The following GOLGB1 variants were observed in gnomAD, a reference collection of about 807,000 sequenced individuals.
GOLGB1 encodes golgin subfamily B member 1.
A neutral mutation model predicts 336.9 loss-of-function variants in GOLGB1; 174 were observed. The ratio of observed to expected loss-of-function variants is 0.52; its 90% CI spans 0.46 to 0.59. The LOEUF is 0.59. Among genes scored for constraint, GOLGB1 ranks in the 20% least tolerant of loss-of-function variants. GOLGB1 has a pLI of 0.00. For missense variants in GOLGB1, 3,331 were observed against 3,645.3 expected (o/e 0.91, Z 2.22); for synonymous variants, 1,208 against 1,289.2 (o/e 0.94, Z 1.35).
chr3:121,747,349 G>C (rs978455909), intron 1 of GOLGB1, among the ~76,000 whole-genome samples: 1 of 141,678 alleles, frequency 7.1e-6, no homozygotes, highest in African/African-American at 2.6e-5. Flanking sequence ...GTATATATAT[G>C]TGTATATACG....
chr3:121,704,675 C>G (rs1943666241), intron 10 of GOLGB1, among the ~76,000 whole-genome samples: 1 of 149,772 alleles, frequency 6.7e-6, no homozygotes, highest in South Asian at 2.1e-4. Context: ...ACTCAGGAGG[C>G]TGAGGCAGGA....
In GOLGB1 at chr3:121,697,733, C is replaced by T. The variant is rs527768034; in HGVS notation, c.2790G>A (p.Gly930=). The T allele has an allele frequency of 2.5e-6, 4 of 1,613,922 alleles. No homozygotes were observed. The highest frequency in any genetic ancestry group is 1.1e-5 in the South Asian group (1 of 91,066). Residue 930 remains glycine (G), a synonymous_variant, in exon 13 of 22, where the codon GGG becomes GGA. Coordinates refer to ENST00000614479, the MANE Select transcript of GOLGB1 (RefSeq NM_001366282.2). The stretch of plus-strand genomic sequence containing the variant: ...GTTCTTTAAGAGTCTTAATTTCAAC[C>T]CCAAGAGAAAACTTCTCTTCATTAA... The part of the protein sequence containing the change: ...VQLNEEKFSL[G]VEIKTLKEQL...
Position 121,722,370 on chromosome 3 carries a change from T to C in GOLGB1, c.540A>G (p.Thr180=), listed in dbSNP as rs1336611298. 4 of 1,560,714 alleles carry C rather than the reference T, an allele frequency of 2.6e-6. No homozygotes were observed. Among genetic ancestry groups the C allele is most frequent in the African/African-American group, 1.4e-5 (1 of 73,942 alleles). Residue 180 remains threonine, a synonymous_variant, in exon 6 of 22, where the codon ACA becomes ACG. Transcript: ENST00000614479. ...TCATCATTACAAATTCTTCCATCTC[T>C]GTAGAACTCTTATCAAACCGAAGAC... The part of the protein sequence containing the change: ...AQAEQPAQSS[T]EMEEFVMMKQ...
chr3:121,671,857 C>CAT (rs1553851210), intron 17 of GOLGB1, among the ~76,000 whole-genome samples: 1 of 147,048 alleles, frequency 6.8e-6, no homozygotes, highest in South Asian at 2.1e-4. Flanking sequence ...ATGAGATTCA[C>CAT]TTTTTTTTTT....
chr3:121,673,073 GTTTT>G (rs368721459), intron 17 of GOLGB1, among the ~76,000 whole-genome samples: 6 of 140,962 alleles, frequency 4.3e-5, no homozygotes, highest in Non-Finnish European at 7.8e-5. Flanking sequence ...TTGTTTTTTG[GTTTT>G]TTTTTTTTTT....
At position 121,696,531 on chromosome 3, in the gene GOLGB1, C is replaced by T; in HGVS notation, c.3992G>A (p.Ser1331Asn). 6.2e-7 allele frequency: 1 copy of T among 1,614,150 alleles called. No individual in the cohort carries two copies. The change falls in exon 13 of 22, where the codon AGT becomes AAT. Residue 1331 changes from serine to asparagine, a missense_variant. Coordinates refer to ENST00000614479, the MANE Select transcript of GOLGB1 (RefSeq NM_001366282.2). ...AEKVELELKV[S>N]STTSELTKKS... The stretch of plus-strand genomic sequence containing the variant: ...TTTAGTAAGCTCACTTGTTGTAGAA[C>T]TAACTTTCAATTCTAACTCTACTTT...
At chr3:121,669,676 A>G (rs962323709) in intron 17 of GOLGB1, among the ~76,000 whole-genome samples, 2 of 152,202 alleles carry the variant, frequency 1.3e-5, no homozygotes, top group Non-Finnish European at 2.9e-5. Flanking sequence ...TTCTGGGTAC[A>G]TAAGAGGGAG....
chr3:121,664,279 A>G lies in GOLGB1; in HGVS notation c.*201T>C. On this transcript the variant is annotated 3_prime_UTR_variant, in exon 22 of 22. Coordinates refer to ENST00000614479, the MANE Select transcript of GOLGB1 (RefSeq NM_001366282.2). ...AAGCAGAAGCGTTCAGGCTCAGGGC[A>G]GTAGAAGAAAGCAGACTCGCCAGTC... is the stretch of plus-strand genomic sequence containing the variant. The G allele has an allele frequency of 1.7e-6, 1 of 597,566 alleles. No individual in the cohort carries two copies. Among genetic ancestry groups the G allele is most frequent in the Non-Finnish European group, 3.0e-6 (1 of 330,866 alleles). The allele number at this position is 597,566 out of a possible 1,614,324, so 37.0% of individuals were successfully genotyped here. A position where few individuals can be genotyped will look rare whatever the true frequency, so the allele number is the denominator to read the frequency against.
At position 121,694,531 on chromosome 3, in the gene GOLGB1, TCTCCAAATATTC is replaced by T; in HGVS notation, c.5980_5991del (p.Glu1994_Glu1997del). 6.2e-7 allele frequency: 1 copy of T among 1,612,672 alleles called. No homozygotes were observed. Among genetic ancestry groups the T allele is most frequent in the Non-Finnish European group, 8.5e-7 (1 of 1,179,880 alleles). On this transcript the variant is annotated inframe_deletion, in exon 13 of 22. Coordinates refer to ENST00000614479, the MANE Select transcript of GOLGB1 (RefSeq NM_001366282.2). ...GGTTCTTTCTGAGCACCTTGTATTT[TCTCCAAATATTC>T]CTTTCGTATTTCTGATTCCACCTTA...
intron 5 of GOLGB1, among the ~76,000 whole-genome samples, chr3:121,725,016 G>C (rs917342489): frequency 6.6e-6 from 1 of 152,188 alleles, no homozygotes; most frequent in African/African-American, 2.4e-5. Flanking sequence ...TGGAGGCTTG[G>C]TAGTCTCCAC....
rs996220511 is a variant in GOLGB1 at position 121,697,163 on chromosome 3, G to A, written c.3360C>T (p.Ile1120=). Residue 1120 remains isoleucine, a synonymous_variant, in exon 13 of 22, where the codon ATC becomes ATT. Transcript: ENST00000614479. ...TNQIDLLQAE[I]SENQAIIQKL... is the part of the protein sequence containing the mutation. ...TCTGGATAATTGCTTGGTTTTCACT[G>A]ATTTCTGCTTGGAGCAAATCTATTT... 5 of 1,613,944 alleles carry A rather than the reference G, an allele frequency of 3.1e-6. No homozygotes were observed. The highest frequency in any genetic ancestry group is 4.2e-6 in the Non-Finnish European group (5 of 1,179,962).
chr3:121,712,242 ACG>A (rs1944413959), intron 10 of GOLGB1, among the ~76,000 whole-genome samples: 1 of 152,210 alleles, frequency 6.6e-6, no homozygotes, highest in East Asian at 1.9e-4. Context: ...TGCTGAAACA[ACG>A]AAATATCCGT....
At chr3:121,687,220 C>G (rs1164776602) in intron 14 of GOLGB1, among the ~76,000 whole-genome samples, 2 of 152,122 alleles carry the variant, frequency 1.3e-5, no homozygotes, top group Non-Finnish European at 2.9e-5. Context: ...CAAGATTGCA[C>G]CACTGCACTC....
chr3:121,684,031 G>C (rs1222509611), intron 14 of GOLGB1, among the ~76,000 whole-genome samples: 2 of 150,726 alleles, frequency 1.3e-5, no homozygotes, highest in Non-Finnish European at 2.9e-5. Flanking sequence ...ATTAGGCTGA[G>C]GCAGGAGAAT....
In GOLGB1 at chr3:121,698,290, T is replaced by C; in HGVS notation, c.2233A>G (p.Thr745Ala). 1 of 1,614,050 alleles carries C rather than the reference T, an allele frequency of 6.2e-7. No homozygotes were observed. Among genetic ancestry groups the C allele is most frequent in the Non-Finnish European group, 8.5e-7 (1 of 1,179,938 alleles). The change falls in exon 13 of 22, where the codon ACT (threonine) becomes GCT (alanine). Residue 745 changes from threonine to alanine, a missense_variant. Physicochemically the swap from Thr to Ala is moderately conservative, Grantham distance 58. Coordinates refer to ENST00000614479, the MANE Select transcript of GOLGB1 (RefSeq NM_001366282.2). ...TGGTCTCTTTCTTCAGACAAAGCAGTGAATGCACTGCTGTTGTTGTCAGCA... is the reference window on the plus strand; with the variant it reads ...TGGTCTCTTTCTTCAGACAAAGCAGCGAATGCACTGCTGTTGTTGTCAGCA... ...KNADNNSSAF[T>A]ALSEERDQLL...
At chr3:121,732,928 G>A (rs1946212747) in intron 1 of GOLGB1, among the ~76,000 whole-genome samples, 1 of 152,134 alleles carries the variant, frequency 6.6e-6, no homozygotes, top group Non-Finnish European at 1.5e-5. Context: ...AAATAAAACT[G>A]TCTCAACTAG....
At position 121,694,765 on chromosome 3, in the gene GOLGB1, C is replaced by T; in HGVS notation, c.5758G>A (p.Ala1920Thr). Reference sequence around the variant, plus strand: ...TCCAAATCATCTTTCTCTTCTTCTGCTGTCTCCTTTAGTTTGGTAACTCTG... The same window carrying T: ...TCCAAATCATCTTTCTCTTCTTCTGTTGTCTCCTTTAGTTTGGTAACTCTG... ...LSRVTKLKET[A>T]EEEKDDLEER... is the part of the protein sequence containing the mutation. Residue 1920 changes from alanine to threonine, a missense_variant, in exon 13 of 22, where the codon GCA becomes ACA. Ala to Thr is a moderately conservative substitution (Grantham distance 58, BLOSUM62 0). Coordinates refer to ENST00000614479, the MANE Select transcript of GOLGB1 (RefSeq NM_001366282.2). 1 of 1,612,820 alleles carries T rather than the reference C, an allele frequency of 6.2e-7. No homozygotes were observed. Among genetic ancestry groups the T allele is most frequent in the Middle Eastern group, 1.6e-4 (1 of 6,062 alleles).
intron 14 of GOLGB1, among the ~76,000 whole-genome samples, chr3:121,684,127 C>CAAAAAAAAAAAAAAAAAA (rs61510295): frequency 1.8e-4 from 2 of 10,910 alleles, no homozygotes; most frequent in South Asian, 3.7e-3. Flanking sequence ...GACGCCGTCT[C>CAAAAAAAAAAAAAAAAAA]AAAAAAAAAA....
At chr3:121,745,449 C>T (rs1446958532) in intron 1 of GOLGB1, among the ~76,000 whole-genome samples, 2 of 103,338 alleles carry the variant, frequency 1.9e-5, no homozygotes, top group South Asian at 3.4e-4. Context: ...TACATATGTA[C>T]ACGTGTATGT....
Sources: allele counts gnomAD v4.1 joint callset (sites outside exome capture counted in the v4.1 genomes callset), GRCh38; gene constraint gnomAD v4.1.1; transcripts MANE v1.5; gene names NCBI Gene and HGNC (gene_info 2026-07-23, HGNC 2026-07-21).